Variants in DDOST observed in about 807,000 individuals in gnomAD.
DDOST encodes dolichyl-diphosphooligosaccharide--protein glycosyltransferase 48 kDa subunit.
DDOST carries 25 observed loss-of-function variants against 47.6 expected under a neutral mutation model. The observed-to-expected ratio is 0.53, with a 90% CI of 0.38 to 0.73. The LOEUF (loss-of-function observed/expected upper bound fraction) is 0.73. DDOST is among the 30% of genes least tolerant of loss of function. DDOST has a pLI of 0.00. For missense variants in DDOST, 526 were observed against 573.9 expected (o/e 0.92, Z 0.85); for synonymous variants, 275 against 236.0 (o/e 1.17, Z -1.51).
chr1:20,655,573 G>A (rs771926276), intron 4 of DDOST, 39 bp from the exon 5 acceptor site: 1 of 1,604,694 alleles, frequency 6.2e-7, no homozygotes, highest in African/African-American at 1.3e-5. Context: ...GTCAGGAAAA[G>A]GTTCCCCAAG....
chr1:20,653,695 C>T lies in DDOST; in HGVS notation c.874G>A (p.Gly292Arg). Residue 292 changes from glycine (G) to arginine (R), a missense_variant, in exon 8 of 11, where the codon GGG becomes AGG. Transcript: ENST00000602624. ...VFKEEGVLRV[G>R]PVSHHRVGET... is the part of the protein sequence containing the mutation. ...CCCACCCGATGATGGGACACAGGCC[C>T]CACACGGAGGACACCCTCCTCCTTG... 3 of 1,614,086 alleles carry T rather than the reference C, an allele frequency of 1.9e-6. No individual in the cohort carries two copies. Among genetic ancestry groups the T allele is most frequent in the Non-Finnish European group, 2.5e-6 (3 of 1,179,968 alleles).
At chr1:20,653,062 G>T in intron 8 of DDOST, 91 bp from the exon 9 acceptor site, 1 of 1,542,520 alleles carries the variant, frequency 6.5e-7, no homozygotes, top group South Asian at 1.2e-5. Flanking sequence ...CCCACCCGAC[G>T]AACATGGCAG....
chr1:20,655,494 G>T lies in DDOST; in HGVS notation c.497C>A (p.Ala166Asp), dbSNP rs765830229. ...AGATGATTTCCCAACGATGGTTGGGGCCTTCAGCAGGTTCTCAGTGTCAGC... is the reference window on the plus strand; with the variant it reads ...AGATGATTTCCCAACGATGGTTGGGTCCTTCAGCAGGTTCTCAGTGTCAGC... The part of the protein sequence containing the change: ...IVADTENLLK[A>D]PTIVGKSSLN... The change falls in exon 5 of 11, where the codon GCC (alanine) becomes GAC (aspartate). Residue 166 changes from alanine to aspartate, a missense_variant. Physicochemically the swap from Ala to Asp is moderately radical, Grantham distance 126. Coordinates refer to ENST00000602624, the MANE Select transcript of DDOST (RefSeq NM_005216.5). 61 of 1,613,962 alleles carry T rather than the reference G, an allele frequency of 3.8e-5. No individual in the cohort carries two copies. Among genetic ancestry groups the T allele is most frequent in the Non-Finnish European group, 8.5e-7 (1 of 1,179,988 alleles).
In DDOST at chr1:20,655,450, G is replaced by A. The variant is rs747589765; in HGVS notation, c.541C>T (p.Arg181Ter). 1.1e-5 allele frequency: 17 copies of A among 1,613,306 alleles called. No individual in the cohort carries two copies. The highest frequency in any genetic ancestry group is 2.7e-5 in the African/African-American group (2 of 74,838). The change falls in exon 5 of 11, where the codon CGA (arginine) becomes TGA (stop). Residue 181 changes from arginine (R) to a stop codon, truncating the protein, a stop_gained. Coordinates refer to ENST00000602624, the MANE Select transcript of DDOST (RefSeq NM_005216.5). LOFTEE classifies it high-confidence loss of function. ...TGCTCACTCACTCACCCAACACCTC[G>A]AAAGAGGATGGGATTTAGAGATGAT... ...GKSSLNPILFRGVGMVADPDN... is the reference protein window; with the variant it reads ...GKSSLNPILF
chr1:20,661,178 C>G lies in DDOST; in HGVS notation c.154+19G>C, dbSNP rs200373074. ...AACCCCAGGCCCCCACACGCTACCC[C>G]CTCGGACCCCGCTCTCACCCTTCAG... On this transcript the variant is annotated intron_variant, in intron 1 of 10. Transcript: ENST00000602624. 3.8e-4 allele frequency: 617 copies of G among 1,611,840 alleles called. 10 individuals carry two copies. The East Asian group carries it at 0.012, about 31-fold the overall frequency.
Position 20,654,624 on chromosome 1 carries a change from G to C in DDOST, c.635C>G (p.Pro212Arg). 6.4e-7 allele frequency: 1 copy of C among 1,562,344 alleles called. No individual in the cohort carries two copies. Among genetic ancestry groups the C allele is most frequent in the Non-Finnish European group, 8.7e-7 (1 of 1,151,964 alleles). Residue 212 changes from proline to arginine, a missense_variant, in exon 6 of 11, where the codon CCT (proline) becomes CGT (arginine). Coordinates refer to ENST00000602624, the MANE Select transcript of DDOST (RefSeq NM_005216.5). ...TTGTGAAGCCCTTACCTGGGTGATAGGCTTGTCCGGGAAGAAGGAGTAAGA... is the reference window on the plus strand; with the variant it reads ...TTGTGAAGCCCTTACCTGGGTGATACGCTTGTCCGGGAAGAAGGAGTAAGA... ...STSYSFFPDK[P>R]ITQYPHAVGK...
Position 20,653,774 on chromosome 1 carries a change from C to T in DDOST, c.795G>A (p.Arg265=), listed in dbSNP as rs201962457. The change falls in exon 8 of 11, where the codon AGG becomes AGA. Residue 265 remains arginine (R), a splice_region_variant and synonymous_variant. Coordinates refer to ENST00000602624, the MANE Select transcript of DDOST (RefSeq NM_005216.5). ...GTTCATAGTTGCCTGTCTGGGAATA[C>T]CTGCAGGAGGGAAACAGGAGCAGCT... ...AVQKAAPGSQ[R]YSQTGNYELA... The T allele has an allele frequency of 5.3e-5, 86 of 1,612,224 alleles. No homozygotes were observed. Among genetic ancestry groups the T allele is most frequent in the Non-Finnish European group, 7.0e-5 (83 of 1,178,904 alleles).
At position 20,652,479 on chromosome 1, in the gene DDOST, G is replaced by A. The variant is rs746272803; in HGVS notation, c.1220C>T (p.Ser407Leu). Residue 407 changes from serine (S) to leucine (L), a missense_variant, in exon 11 of 11, where the codon TCG becomes TTG. Ser to Leu is a moderately radical substitution (Grantham distance 145). Coordinates refer to ENST00000602624, the MANE Select transcript of DDOST (RefSeq NM_005216.5). ...QHTQYERFIP[S>L]AYPYYASAFS... ...GGCGCTGGCGTAGTAGGGGTAGGCC[G>A]AGGGGATGAAGCGCTCATACTGCGT... is the stretch of plus-strand genomic sequence containing the variant. The A allele has an allele frequency of 5.0e-6, 8 of 1,613,944 alleles. No homozygotes were observed. The highest frequency in any genetic ancestry group is 3.3e-5 in the Admixed American group (2 of 60,020).
Position 20,656,094 on chromosome 1 carries a change from G to A in DDOST, c.352+7C>T. 1 of 1,611,486 alleles carries A rather than the reference G, an allele frequency of 6.2e-7. No individual in the cohort carries two copies. The highest frequency in any genetic ancestry group is 1.1e-5 in the South Asian group (1 of 91,034). Reference sequence around the variant, plus strand: ...GAAAGCACCAGAACCTCCCAGGTCGGACTCACCAATGTCGGAGCTGGCAGC... The same window carrying A: ...GAAAGCACCAGAACCTCCCAGGTCGAACTCACCAATGTCGGAGCTGGCAGC... On this transcript the variant is annotated splice_region_variant and intron_variant, in intron 3 of 10. Transcript: ENST00000602624.
Position 20,652,350 on chromosome 1 carries a change from C to T in DDOST, c.*29G>A, listed in dbSNP as rs2053301940. On this transcript the variant is annotated 3_prime_UTR_variant, in exon 11 of 11. Coordinates refer to ENST00000602624, the MANE Select transcript of DDOST (RefSeq NM_005216.5). ...AATAACCCCCCTCCTTGCCCCGTCT[C>T]CACGCTGTGCGGAGAGGGCTCTAGC... 2 of 1,572,602 alleles carry T rather than the reference C, an allele frequency of 1.3e-6. No individual in the cohort carries two copies. Among genetic ancestry groups the T allele is most frequent in the Non-Finnish European group, 1.7e-6 (2 of 1,160,832 alleles).
intron 2 of DDOST, 130 bp downstream of exon 2, chr1:20,660,751 C>G: frequency 1.6e-6 from 1 of 625,400 alleles, no homozygotes; most frequent in Non-Finnish European, 2.9e-6. Context: ...TTTTCCTTAT[C>G]TCCGTGGTAG....
intron 7 of DDOST, 54 bp downstream of exon 7, chr1:20,654,169 T>C: frequency 1.9e-6 from 3 of 1,546,006 alleles, no homozygotes; most frequent in Non-Finnish European, 2.6e-6. Context: ...GTCCTCCCCA[T>C]ATACACACAC....
chr1:20,658,429 C>T (rs1260156070), intron 2 of DDOST, among the ~76,000 whole-genome samples: 1 of 152,264 alleles, frequency 6.6e-6, no homozygotes, highest in Non-Finnish European at 1.5e-5. Context: ...CAGCTTCCTC[C>T]CAAGGAACGC....
chr1:20,656,108 G>A lies in DDOST; in HGVS notation c.345C>T (p.Ser115=), dbSNP rs1342783164. 18 of 1,613,512 alleles carry A rather than the reference G, an allele frequency of 1.1e-5. No individual in the cohort carries two copies. The highest frequency in any genetic ancestry group is 1.7e-4 in the Middle Eastern group (1 of 6,060). The change falls in exon 3 of 11, where the codon TCC becomes TCT. Residue 115 remains serine (S), a synonymous_variant. Coordinates refer to ENST00000602624, the MANE Select transcript of DDOST (RefSeq NM_005216.5). ...CTCCCAGGTCGGACTCACCAATGTC[G>A]GAGCTGGCAGCTACCAGCACACTGC... The part of the protein sequence containing the change: ...GGGSVLVAAS[S]DIGDPLRELG...
Position 20,660,926 on chromosome 1 carries a change from C to T in DDOST, c.220G>A (p.Glu74Lys). The T allele has an allele frequency of 6.2e-7, 1 of 1,613,570 alleles. No individual in the cohort carries two copies. The highest frequency in any genetic ancestry group is 8.5e-7 in the Non-Finnish European group (1 of 1,179,512). ...ATGATGAGATTGTCATAGAGGAATTCCCCATACTTTATGAGAGACAGGCTG... is the reference window on the plus strand; with the variant it reads ...ATGATGAGATTGTCATAGAGGAATTTCCCATACTTTATGAGAGACAGGCTG... ...DPSLSLIKYG[E>K]FLYDNLIIFS... The change falls in exon 2 of 11, where the codon GAA (glutamate) becomes AAA (lysine). Residue 74 changes from glutamate to lysine, a missense_variant. Glu to Lys is a moderately conservative substitution (Grantham distance 56). Coordinates refer to ENST00000602624, the MANE Select transcript of DDOST (RefSeq NM_005216.5).
At chr1:20,655,365 T>G (rs1223667712) in intron 5 of DDOST, 75 bp downstream of exon 5, 40 of 1,214,882 alleles carry the variant, frequency 3.3e-5, no homozygotes, top group Middle Eastern at 3.9e-4. Context: ...CAATTTTGCC[T>G]TGATTTCCCA....
intron 2 of DDOST, among the ~76,000 whole-genome samples, chr1:20,658,959 A>C (rs1031451940): frequency 3.3e-5 from 5 of 149,996 alleles, no homozygotes; most frequent in Non-Finnish European, 7.4e-5. Context: ...GAGGGTCAGC[A>C]ATCCTCCCAC....
At chr1:20,654,822 A>G (rs1024993393) in intron 5 of DDOST, 115 bp from the exon 6 acceptor site, 32 of 702,490 alleles carry the variant, frequency 4.6e-5, no homozygotes, top group Middle Eastern at 2.8e-4. Flanking sequence ...ATTGCCAACC[A>G]CTTAGCTCTT....
intron 5 of DDOST, among the ~76,000 whole-genome samples, chr1:20,654,946 G>A (rs1214799483): frequency 1.3e-5 from 2 of 152,122 alleles, no homozygotes; most frequent in Non-Finnish European, 2.9e-5. Context: ...TGCAACCTCC[G>A]CCTCCTGGGT....
Sources: gnomAD v4.1 joint callset for allele counts (sites outside exome capture counted in the v4.1 genomes callset) on GRCh38, gnomAD v4.1.1 for gene constraint, MANE v1.5 for transcripts, NCBI Gene and HGNC (gene_info 2026-07-23, HGNC 2026-07-21) for gene names.